Variants in ZSCAN5A observed in about 807,000 individuals in gnomAD.
ZSCAN5A encodes zinc finger and SCAN domain containing 5A.
ZSCAN5A carries 12 observed loss-of-function variants against 23.7 expected under a neutral mutation model. The observed-to-expected ratio is 0.51, with a 90% CI of 0.32 to 0.82. The LOEUF (loss-of-function observed/expected upper bound fraction) is 0.82, where lower values mean the gene tolerates loss of function less well. Ranked by LOEUF, ZSCAN5A falls within the 40% of genes least tolerant of loss-of-function variation. The pLI, the probability that ZSCAN5A is intolerant of heterozygous loss-of-function variation, is 0.03. For missense variants in ZSCAN5A, 597 were observed against 617.9 expected, an observed-to-expected ratio of 0.97 and a Z score of 0.36; for synonymous variants, 257 against 239.9, an observed-to-expected ratio of 1.07 and a Z score of -0.66.
intron 2 of ZSCAN5A, among the ~76,000 whole-genome samples, chr19:56,308,161 G>A (rs2040818349): frequency 6.6e-6 from 1 of 152,218 alleles, no homozygotes; most frequent in Non-Finnish European, 1.5e-5. Context: ...AGCCTCCCAA[G>A]TAGCTGGGAC....
At chr19:56,302,534 TCTTCCTCCCCGTTCCTC>T (rs1568726030) in intron 2 of ZSCAN5A, among the ~76,000 whole-genome samples, 1 of 19,438 alleles carries the variant, frequency 5.1e-5, no homozygotes, top group East Asian at 1.2e-3. Flanking sequence ...CCCTCCCTCT[TCTTCCTCCCCGTTCCTC>T]CCTCCCTCCC....
At chr19:56,328,428 G>A (rs963967961) in intron 2 of ZSCAN5A, among the ~76,000 whole-genome samples, 6 of 151,382 alleles carry the variant, frequency 4.0e-5, no homozygotes, top group African/African-American at 1.2e-4. Flanking sequence ...GGTGGATCAC[G>A]AAGTCAGGAG....
At chr19:56,282,725 A>C (rs1481556715) in intron 2 of ZSCAN5A, among the ~76,000 whole-genome samples, 3 of 152,218 alleles carry the variant, frequency 2.0e-5, no homozygotes, top group Non-Finnish European at 4.4e-5. Flanking sequence ...CCAGAAACTG[A>C]GCACTCTTTC....
At position 56,322,076 on chromosome 19, in the gene ZSCAN5A, C is replaced by G; in HGVS notation, c.-357-5808G>C. ...TCTAGTGCACAGCCACTTCCTCTTT[C>G]TTCTCCTCCCATAACAAGGATATCA... On this transcript the variant is annotated intron_variant, in intron 2 of 6. Coordinates refer to the ZSCAN5A transcript ENST00000587340. 5.2e-6 allele frequency: 4 copies of G among 767,874 alleles called. No homozygotes were observed. In the South Asian group the frequency reaches 5.4e-5, roughly 10 times the overall value. The allele number at this position is 767,874 out of a possible 1,614,324, so 47.6% of individuals were successfully genotyped here.
intron 2 of ZSCAN5A, among the ~76,000 whole-genome samples, chr19:56,328,178 C>A (rs909999478): frequency 1.3e-5 from 2 of 151,982 alleles, no homozygotes; most frequent in African/African-American, 4.8e-5. Context: ...TTTGGTAGTT[C>A]ATCATTTTAC....
chr19:56,222,856 A>G, intron 4 of ZSCAN5A, 115 bp from the exon 5 acceptor site: 2 of 1,435,972 alleles, frequency 1.4e-6, no homozygotes, highest in East Asian at 2.3e-5. Flanking sequence ...AGGTGTGGAA[A>G]TACGTGCAGA....
rs2033794232 is a variant in ZSCAN5A at position 56,225,150 on chromosome 19, T to G, written c.-104A>C. 2 of 1,485,232 alleles carry G rather than the reference T, an allele frequency of 1.3e-6. No homozygotes were observed. The highest frequency in any genetic ancestry group is 1.8e-6 in the Non-Finnish European group (2 of 1,127,842). The allele number at this position is 1,485,232 out of a possible 1,614,324, so 92.0% of individuals were successfully genotyped here. A position where few individuals can be genotyped will look rare whatever the true frequency, so the allele number is the denominator to read the frequency against. On this transcript the variant is annotated 5_prime_UTR_variant, in exon 3 of 6. Coordinates refer to ENST00000683990, the MANE Select transcript of ZSCAN5A (RefSeq NM_001322064.3). ...GGCTTCCTCTGGTTTTCCTCAGTAA[T>G]AGATTCACTGTTCATTCAGAAGTCT...
chr19:56,318,375 G>A (rs1228932328), upstream of ZSCAN5A, among the ~76,000 whole-genome samples: 1 of 151,874 alleles, frequency 6.6e-6, no homozygotes, highest in African/African-American at 2.4e-5. Context: ...AATAAATAAT[G>A]GCCATAAAAC....
chr19:56,287,788 C>T (rs944275110), intron 2 of ZSCAN5A, among the ~76,000 whole-genome samples: 1 of 152,196 alleles, frequency 6.6e-6, no homozygotes, highest in African/African-American at 2.4e-5. Context: ...TGGCCACTAA[C>T]AGTAGATTCA....
intron 2 of ZSCAN5A, among the ~76,000 whole-genome samples, chr19:56,287,589 AT>A (rs1292822389): frequency 1.3e-5 from 2 of 152,188 alleles, no homozygotes. Flanking sequence ...AAATGTTCTT[AT>A]TCCACATGTG....
chr19:56,264,140 C>G (rs2037309754), intron 2 of ZSCAN5A, among the ~76,000 whole-genome samples: 1 of 152,022 alleles, frequency 6.6e-6, no homozygotes, highest in Non-Finnish European at 1.5e-5. Flanking sequence ...ATTGCAGGCA[C>G]CCGCCACCTC....
chr19:56,252,160 G>A (rs2036388288), intron 2 of ZSCAN5A, among the ~76,000 whole-genome samples: 1 of 152,194 alleles, frequency 6.6e-6, no homozygotes, highest in Non-Finnish European at 1.5e-5. Context: ...AGCTCAACAT[G>A]CCTGTCAAGT....
upstream of ZSCAN5A, chr19:56,315,022 C>A (rs559075809): frequency 1.3e-5 from 2 of 149,172 alleles, no homozygotes; most frequent in Non-Finnish European, 3.0e-5. Context: ...TTCCAACTCG[C>A]CGAATCATTA....
At chr19:56,228,503 C>T in intron 2 of ZSCAN5A, 1 of 946,020 alleles carries the variant, frequency 1.1e-6, no homozygotes, top group Non-Finnish European at 1.3e-6. Flanking sequence ...ATTTCCCGCT[C>T]TACTGAGTTG....
At chr19:56,289,106 G>A (rs2039339548) in intron 2 of ZSCAN5A, among the ~76,000 whole-genome samples, 1 of 152,204 alleles carries the variant, frequency 6.6e-6, no homozygotes, top group Non-Finnish European at 1.5e-5. Flanking sequence ...TGCAAGGGGA[G>A]AGTGGGAAAG....
chr19:56,354,240 A>G (rs1170270522), intron 2 of ZSCAN5A, among the ~76,000 whole-genome samples: 2 of 149,004 alleles, frequency 1.3e-5, no homozygotes, highest in East Asian at 2.3e-4. Flanking sequence ...GATAATGTGC[A>G]TATTTACTGA....
At chr19:56,250,836 T>C (rs1485020290) in intron 2 of ZSCAN5A, among the ~76,000 whole-genome samples, 1 of 152,178 alleles carries the variant, frequency 6.6e-6, no homozygotes, top group East Asian at 1.9e-4. Context: ...GATTCTATTC[T>C]TTTTAGCAAA....
intron 2 of ZSCAN5A, among the ~76,000 whole-genome samples, chr19:56,279,951 T>C (rs1215953011): frequency 6.6e-6 from 1 of 152,194 alleles, no homozygotes; most frequent in Non-Finnish European, 1.5e-5. Flanking sequence ...ATTTAAAACA[T>C]CATGTTATTT....
rs901135705 is a variant in ZSCAN5A, at chr19:56,299,013, G to A, written c.-128+14270C>T. On this transcript the variant is annotated intron_variant, in intron 2 of 5. Transcript: ENST00000683990. ...TAAATTCACTTTATTCCAGCAATGC[G>A]ACAATGGTTTAATAGGTAAAAACAA... Among the ~76,000 whole-genome samples the A allele has an allele frequency of 2.0e-5, 3 of 152,096 alleles. No individual in the cohort carries two copies. The East Asian group carries it at 5.8e-4, about 29-fold the overall frequency.
Sources: gnomAD v4.1 joint callset for allele counts (sites outside exome capture counted in the v4.1 genomes callset) on GRCh38, gnomAD v4.1.1 for gene constraint, MANE v1.5 for transcripts, NCBI Gene and HGNC (gene_info 2026-07-23, HGNC 2026-07-21) for gene names.